FOCAD: variants seen among roughly 807,000 people sequenced by gnomAD.
FOCAD encodes KIAA1797.
FOCAD carries 198 observed loss-of-function variants against 225.6 expected under a neutral mutation model. The observed-to-expected ratio is 0.88, with a 90% CI of 0.78 to 0.99. The LOEUF (loss-of-function observed/expected upper bound fraction) is 0.99. Among genes scored for constraint, FOCAD ranks in the 50% least tolerant of loss-of-function variants. The pLI, the probability that FOCAD is intolerant of heterozygous loss-of-function variation, is 0.00. For synonymous variants in FOCAD, 897 were observed against 755.0 expected (o/e 1.19, Z -3.08); for missense variants, 2,713 against 2,123.6 (o/e 1.28, Z -5.46).
chr9:20,957,846 T>G lies in FOCAD; in HGVS notation c.4132+4781T>G, dbSNP rs573701794. 8.6e-5 allele frequency among the ~76,000 whole-genome samples: 13 copies of G among 152,034 alleles called. No homozygotes were observed. The East Asian group carries it at 2.5e-3, about 29-fold the overall frequency. The stretch of plus-strand genomic sequence containing the variant: ...AACATCGTTATGCATATAGCTCTCT[T>G]CTGCTACAGCTTTCCTTCAGATAAA... On this transcript the variant is annotated intron_variant, in intron 35 of 43. Coordinates refer to ENST00000338382, the MANE Select transcript of FOCAD (RefSeq NM_001375567.1).
Position 20,944,652 on chromosome 9 carries a change from C to G in FOCAD, c.3433C>G (p.Leu1145Val), listed in dbSNP as rs146592449. The G allele has an allele frequency of 7.1e-4, 1,152 of 1,613,914 alleles. 5 individuals are homozygous for G. The African/African-American group carries it at 0.014, about 19-fold the overall frequency. ...CACGGGCTGTATATTGGGAGTTGGA[C>G]TTGTTCTGTCCCTCATGAGCCACAG... is the stretch of plus-strand genomic sequence containing the variant. ...YNTGCILGVG[L>V]VLSLMSHSSQ... The change falls in exon 29 of 44, where the codon CTT (leucine) becomes GTT (valine). Residue 1145 changes from leucine to valine, a missense_variant. Physicochemically the swap from Leu to Val is conservative, Grantham distance 32. Transcript: ENST00000338382.
At chr9:20,860,994 T>G (rs796160051) in intron 15 of FOCAD, among the ~76,000 whole-genome samples, 9 of 152,312 alleles carry the variant, frequency 5.9e-5, no homozygotes, top group African/African-American at 2.2e-4. Context: ...GTTTTTTGTT[T>G]GACTTTTGCT....
intron 18 of FOCAD, among the ~76,000 whole-genome samples, chr9:20,871,756 T>C (rs1829790026): frequency 1.2e-5 from 1 of 86,024 alleles, no homozygotes; most frequent in Non-Finnish European, 2.2e-5. Context: ...TGGGGACTGT[T>C]GTGGGGTGGG....
rs117082372 is a variant in FOCAD at position 20,705,005 on chromosome 9, T to G, written c.-32-10317T>G. On this transcript the variant is annotated intron_variant, in intron 1 of 43. Transcript: ENST00000338382. ...TGGAGCGAGACTACTTAGGTTGGAA[T>G]TCCAGTTCTGTCACTTACTCTGTGA... Among the ~76,000 whole-genome samples the G allele has an allele frequency of 8.4e-3, 1,274 of 152,306 alleles. 11 individuals carry two copies. Among genetic ancestry groups the G allele is most frequent in the Non-Finnish European group, 0.014 (960 of 68,018 alleles).
At chr9:20,828,178 A>T (rs1050308600) in intron 15 of FOCAD, among the ~76,000 whole-genome samples, 2 of 151,830 alleles carry the variant, frequency 1.3e-5, no homozygotes, top group African/African-American at 4.8e-5. Flanking sequence ...AAGAGAGAAA[A>T]AGTAGATTTT....
At position 20,920,369 on chromosome 9, in the gene FOCAD, T is replaced by C. The variant is rs866648088; in HGVS notation, c.2853-3291T>C. On this transcript the variant is annotated intron_variant, in intron 24 of 43. Coordinates refer to ENST00000338382, the MANE Select transcript of FOCAD (RefSeq NM_001375567.1). ...AACACTTTTACACTGTTGGTGGGAC[T>C]GTAAACTAGTTCAACCATTGTGGAA... Among the ~76,000 whole-genome samples the C allele has an allele frequency of 2.1e-3, 271 of 128,908 alleles. 5 individuals carry two copies. The East Asian group carries it at 0.043, about 20-fold the overall frequency. 84.6% of individuals were successfully genotyped at this position (128,908 alleles called of 152,430 possible).
intron 22 of FOCAD, 72 bp downstream of exon 22, chr9:20,907,314 T>C: frequency 7.8e-7 from 1 of 1,289,026 alleles, no homozygotes; most frequent in Non-Finnish European, 1.1e-6. Context: ...CAAATGTGTA[T>C]TTAATATAAA....
intron 24 of FOCAD, 85 bp from the exon 25 acceptor site, chr9:20,923,575 C>G: frequency 3.1e-6 from 3 of 960,642 alleles, no homozygotes; most frequent in Non-Finnish European, 4.8e-6. Flanking sequence ...TGCTTTTTGA[C>G]TTCACCTGCC....
rs778245215 is a variant in FOCAD at position 20,946,723 on chromosome 9, G to A, written c.3578G>A (p.Cys1193Tyr). The change falls in exon 30 of 44, where the codon TGT (cysteine) becomes TAT (tyrosine). Residue 1193 changes from cysteine to tyrosine, a missense_variant. Coordinates refer to ENST00000338382, the MANE Select transcript of FOCAD (RefSeq NM_001375567.1). Reference sequence around the variant, plus strand: ...CAGGTCCTTGCCTACACACTTAGCTGTGTATGTACATCAGCGTTCAGTGCT... The same window carrying A: ...CAGGTCCTTGCCTACACACTTAGCTATGTATGTACATCAGCGTTCAGTGCT... Reference protein sequence around the residue: ...FQEVLAYTLSCVCTSAFSAGI... With the variant: ...FQEVLAYTLSYVCTSAFSAGI... The A allele has an allele frequency of 3.7e-6, 6 of 1,613,496 alleles. No individual in the cohort carries two copies. The South Asian group carries it at 5.5e-5, about 15-fold the overall frequency.
At chr9:20,716,665 G>A (rs1825361240) in intron 2 of FOCAD, among the ~76,000 whole-genome samples, 1 of 151,878 alleles carries the variant, frequency 6.6e-6, no homozygotes, top group Admixed American at 6.6e-5. Context: ...ATTTCTTATT[G>A]TTCTTCTGTA....
intron 11 of FOCAD, among the ~76,000 whole-genome samples, chr9:20,815,137 G>GTTTTTTTTTTTTTTTTT (rs71334555): frequency 1.3e-4 from 9 of 69,146 alleles, no homozygotes; most frequent in African/African-American, 4.8e-4. Flanking sequence ...TTTTTTTTTT[G>GTTTTTTTTTTTTTTTTT]TTTTTTTTTT....
intron 4 of FOCAD, among the ~76,000 whole-genome samples, chr9:20,729,924 C>G (rs1265725283): frequency 6.6e-6 from 1 of 152,114 alleles, no homozygotes; most frequent in Non-Finnish European, 1.5e-5. Context: ...CTTCCCCCAC[C>G]TCCCAGAATA....
At chr9:20,924,657 T>G (rs1587626874) in intron 25 of FOCAD, among the ~76,000 whole-genome samples, 1 of 152,318 alleles carries the variant, frequency 6.6e-6, no homozygotes. Context: ...TGTTGTGGGT[T>G]TTTTGGTGGT....
At chr9:20,877,862 T>C (rs1331283587) in intron 19 of FOCAD, among the ~76,000 whole-genome samples, 1 of 151,972 alleles carries the variant, frequency 6.6e-6, no homozygotes, top group Non-Finnish European at 1.5e-5. Context: ...AAGCCAACAT[T>C]GCACCACTGC....
intron 4 of FOCAD, among the ~76,000 whole-genome samples, chr9:20,724,669 T>G (rs1026464512): frequency 6.6e-6 from 1 of 152,156 alleles, no homozygotes; most frequent in Non-Finnish European, 1.5e-5. Context: ...TTGCTTTATT[T>G]CAAGTAGCAG....
chr9:20,738,160 G>C (rs1325666017), intron 4 of FOCAD, among the ~76,000 whole-genome samples: 1 of 152,212 alleles, frequency 6.6e-6, no homozygotes, highest in East Asian at 1.9e-4. Flanking sequence ...TGGCATAAGA[G>C]GAGTCTAGAA....
intron 21 of FOCAD, among the ~76,000 whole-genome samples, chr9:20,889,823 T>TGA (rs1321372002): frequency 1.3e-5 from 2 of 152,164 alleles, no homozygotes; most frequent in African/African-American, 2.4e-5. Context: ...TAGGTCAACT[T>TGA]GAGAGAGGAC....
intron 21 of FOCAD, among the ~76,000 whole-genome samples, chr9:20,902,162 A>C (rs1377191428): frequency 6.6e-6 from 1 of 151,924 alleles, no homozygotes; most frequent in African/African-American, 2.4e-5. Context: ...GGATTCCAGC[A>C]TGAATAGAAC....
Position 20,990,392 on chromosome 9 carries a change from C to G in FOCAD, c.5256+18C>G. The G allele has an allele frequency of 6.2e-7, 1 of 1,611,500 alleles. No homozygotes were observed. The highest frequency in any genetic ancestry group is 8.5e-7 in the Non-Finnish European group (1 of 1,179,138). On this transcript the variant is annotated intron_variant, in intron 42 of 43. Transcript: ENST00000338382. The stretch of plus-strand genomic sequence containing the variant: ...CCCAGAAGGTGAGGCTGGCAGCCAC[C>G]TGCTTAGCAGGGCAGGCAGCCATTG...
Sources: allele counts gnomAD v4.1 joint callset (sites outside exome capture counted in the v4.1 genomes callset), GRCh38; gene constraint gnomAD v4.1.1; transcripts MANE v1.5; gene names NCBI Gene and HGNC (gene_info 2026-07-23, HGNC 2026-07-21).